Variants in GRIA4 observed in about 807,000 individuals in gnomAD.
GRIA4 encodes glutamate receptor 4.
Under a neutral mutation model 104.0 loss-of-function variants are expected in GRIA4, and 34 were observed. The observed-to-expected ratio is 0.33, with a 90% CI of 0.25 to 0.44. The LOEUF (loss-of-function observed/expected upper bound fraction) is 0.44, where lower values mean the gene tolerates loss of function less well. GRIA4 is among the 20% of genes least tolerant of loss of function. The pLI is 1.00. For synonymous variants in GRIA4, 386 were observed against 381.9 expected, an observed-to-expected ratio of 1.01 and a Z score of -0.13; for missense variants, 750 against 1,096.5, an observed-to-expected ratio of 0.68 and a Z score of 4.46.
intron 3 of GRIA4, among the ~76,000 whole-genome samples, chr11:105,703,120 C>G (rs1468785953): frequency 6.6e-6 from 1 of 152,078 alleles, no homozygotes; most frequent in Non-Finnish European, 1.5e-5. Flanking sequence ...TGTCAAGATG[C>G]AATAAGCACA....
At chr11:105,708,308 C>T (rs1409339483) in intron 3 of GRIA4, among the ~76,000 whole-genome samples, 1 of 152,046 alleles carries the variant, frequency 6.6e-6, no homozygotes, top group Non-Finnish European at 1.5e-5. Context: ...TTGTTATCAA[C>T]ATAGGGTGGC....
intron 3 of GRIA4, among the ~76,000 whole-genome samples, chr11:105,720,443 T>C (rs1937713538): frequency 6.6e-6 from 1 of 152,050 alleles, no homozygotes; most frequent in South Asian, 2.1e-4. Flanking sequence ...GAAAAGAAAA[T>C]ATGTGGCCTA....
chr11:105,691,935 C>CAAAAAAAAA (rs202074069), intron 3 of GRIA4, among the ~76,000 whole-genome samples: 5 of 76,290 alleles, frequency 6.6e-5, no homozygotes, highest in Non-Finnish European at 1.2e-4. Flanking sequence ...AACTCCGTCT[C>CAAAAAAAAA]AAAAAAAAAA....
chr11:105,829,107 A>T (rs1324376880), intron 4 of GRIA4, among the ~76,000 whole-genome samples: 1 of 151,946 alleles, frequency 6.6e-6, no homozygotes, highest in Admixed American at 6.6e-5. Flanking sequence ...ACACACACAC[A>T]AATAGACTGA....
chr11:105,824,959 C>A (rs1241173982), intron 4 of GRIA4, among the ~76,000 whole-genome samples: 1 of 152,030 alleles, frequency 6.6e-6, no homozygotes, highest in East Asian at 1.9e-4. Flanking sequence ...TCCAGTCAGT[C>A]TCATCAGAGA....
At chr11:105,743,220 T>A (rs1939425836) in intron 3 of GRIA4, among the ~76,000 whole-genome samples, 1 of 152,178 alleles carries the variant, frequency 6.6e-6, no homozygotes, top group Non-Finnish European at 1.5e-5. Flanking sequence ...AAGGCATTTC[T>A]CTATTTCAGG....
chr11:105,666,789 T>C (rs540625508), intron 3 of GRIA4, among the ~76,000 whole-genome samples: 2 of 152,090 alleles, frequency 1.3e-5, no homozygotes, highest in South Asian at 4.1e-4. Context: ...TGAAACATTA[T>C]TTAATTCTCT....
intron 3 of GRIA4, among the ~76,000 whole-genome samples, chr11:105,731,161 G>GAACTTAAACAAATTTACAAGA (rs1938562772): frequency 6.6e-6 from 1 of 151,970 alleles, no homozygotes; most frequent in Non-Finnish European, 1.5e-5. Flanking sequence ...AATCTACAAG[G>GAACTTAAACAAATTTACAAGA]AACTTAAACA....
intron 14 of GRIA4, among the ~76,000 whole-genome samples, chr11:105,967,691 G>A (rs1157869671): frequency 1.0e-4 from 11 of 107,146 alleles, no homozygotes; most frequent in African/African-American, 3.8e-4. Flanking sequence ...CTCCAGGAAT[G>A]TGTTTGTATA....
At chr11:105,719,194 T>C (rs1328485188) in intron 3 of GRIA4, among the ~76,000 whole-genome samples, 1 of 152,100 alleles carries the variant, frequency 6.6e-6, no homozygotes, top group Admixed American at 6.6e-5. Flanking sequence ...TACAAAGAGT[T>C]CTATTTTTCA....
chr11:105,615,476 T>C lies in GRIA4; in HGVS notation c.247+3042T>C, dbSNP rs1171210990. On this transcript the variant is annotated intron_variant, in intron 3 of 16. Coordinates refer to ENST00000282499, the MANE Select transcript of GRIA4 (RefSeq NM_000829.4). ...AATATTAAACTAAAATTATATGAAA[T>C]ACAGATAATACAAAATTATGACCTA... Among the ~76,000 whole-genome samples the C allele has an allele frequency of 3.3e-5, 5 of 151,900 alleles. No homozygotes were observed. In the East Asian group the frequency reaches 9.6e-4, roughly 29 times the overall value.
At chr11:105,798,107 C>A (rs1211574652) in intron 4 of GRIA4, among the ~76,000 whole-genome samples, 1 of 152,070 alleles carries the variant, frequency 6.6e-6, no homozygotes, top group East Asian at 1.9e-4. Context: ...CACATACACA[C>A]ACACACATGC....
chr11:105,870,381 A>C (rs759052243), intron 5 of GRIA4, among the ~76,000 whole-genome samples: 28 of 151,898 alleles, frequency 1.8e-4, no homozygotes, highest in Non-Finnish European at 3.1e-4. Context: ...GTACCACAAC[A>C]CTTATCCATT....
chr11:105,929,931 C>T (rs765829366), intron 13 of GRIA4, among the ~76,000 whole-genome samples: 56 of 152,196 alleles, frequency 3.7e-4, no homozygotes, highest in South Asian at 6.2e-4. Context: ...TTGAGTTTCA[C>T]AATAAAGATG....
At chr11:105,929,695 T>A (rs1180631509) in intron 13 of GRIA4, among the ~76,000 whole-genome samples, 1 of 152,108 alleles carries the variant, frequency 6.6e-6, no homozygotes, top group African/African-American at 2.4e-5. Context: ...GAGCTGTCAC[T>A]AGAACATCAG....
At chr11:105,819,519 G>A (rs535365979) in intron 4 of GRIA4, among the ~76,000 whole-genome samples, 2 of 152,112 alleles carry the variant, frequency 1.3e-5, no homozygotes, top group Admixed American at 1.3e-4. Context: ...AGGTATCGTT[G>A]ACAGTGTACC....
At chr11:105,706,729 C>T (rs1953716112) in intron 3 of GRIA4, 1 of 152,262 alleles carries the variant, frequency 6.6e-6, no homozygotes, top group African/African-American at 2.4e-5. Flanking sequence ...ACCTGTAACA[C>T]CCTCTGAAAG....
intron 9 of GRIA4, among the ~76,000 whole-genome samples, chr11:105,906,472 T>C (rs1947044952): frequency 6.6e-6 from 1 of 152,130 alleles, no homozygotes; most frequent in Admixed American, 6.6e-5. Context: ...AAGAAAGGCT[T>C]GGAGGCAGGA....
chr11:105,893,653 A>C (rs1053144915), intron 6 of GRIA4, among the ~76,000 whole-genome samples: 1 of 152,154 alleles, frequency 6.6e-6, no homozygotes, highest in Non-Finnish European at 1.5e-5. Flanking sequence ...GATTTTTCTG[A>C]AGGCTGCAGC....
Sources: gnomAD v4.1 joint callset for allele counts (sites outside exome capture counted in the v4.1 genomes callset) on GRCh38, gnomAD v4.1.1 for gene constraint, MANE v1.5 for transcripts, NCBI Gene and HGNC (gene_info 2026-07-23, HGNC 2026-07-21) for gene names.